Variants in GAB2 observed in about 807,000 individuals in gnomAD.
GAB2 encodes the protein GRB2 associated binding protein 2.
In GAB2, 26 loss-of-function variants were observed where a neutral mutation model predicts 65.5. That is an observed-to-expected ratio of 0.40 (90% CI 0.29 to 0.55). The LOEUF is 0.55. GAB2 is among the 20% of genes least tolerant of loss of function. GAB2 has a pLI of 0.53. For missense variants in GAB2, 884 were observed against 875.8 expected (o/e 1.01, Z -0.12); for synonymous variants, 321 against 329.6 (o/e 0.97, Z 0.28).
intron 8 of GAB2, among the ~76,000 whole-genome samples, chr11:78,220,774 C>A (rs547393760): frequency 6.6e-6 from 1 of 152,236 alleles, no homozygotes; most frequent in African/African-American, 2.4e-5. Context: ...CTGTACCACA[C>A]TGCCTCCTTT....
chr11:78,334,491 A>G (rs1355087935), intron 1 of GAB2, among the ~76,000 whole-genome samples: 3 of 152,224 alleles, frequency 2.0e-5, no homozygotes. Context: ...TCCCACAAAT[A>G]AGTGAGAACA....
intron 1 of GAB2, among the ~76,000 whole-genome samples, chr11:78,391,535 A>G (rs772242827): frequency 3.9e-5 from 6 of 152,196 alleles, no homozygotes; most frequent in Non-Finnish European, 2.9e-5. Flanking sequence ...CTTAAGCACC[A>G]TGTAAGCAGT....
intron 2 of GAB2, among the ~76,000 whole-genome samples, chr11:78,276,554 C>T (rs915967846): frequency 6.6e-6 from 1 of 152,086 alleles, no homozygotes; most frequent in African/African-American, 2.4e-5. Flanking sequence ...GCATGCCTGT[C>T]CCCTCCTCTA....
intron 1 of GAB2, among the ~76,000 whole-genome samples, chr11:78,347,836 G>A (rs965003582): frequency 6.6e-6 from 1 of 152,124 alleles, no homozygotes; most frequent in South Asian, 2.1e-4. Flanking sequence ...CACAAACTGG[G>A]AGAACATACA....
intron 1 of GAB2, among the ~76,000 whole-genome samples, chr11:78,398,754 A>G (rs1480552477): frequency 6.6e-6 from 1 of 152,214 alleles, no homozygotes; most frequent in Admixed American, 6.5e-5. Context: ...TTGGCATACC[A>G]CTTTTACTAG....
chr11:78,296,227 T>C (rs1387475297), intron 1 of GAB2, among the ~76,000 whole-genome samples: 1 of 152,192 alleles, frequency 6.6e-6, no homozygotes, highest in Non-Finnish European at 1.5e-5. Flanking sequence ...GCCAGACTGG[T>C]AAGGGTCCTC....
chr11:78,414,035 C>T (rs1351720610), intron 1 of GAB2, among the ~76,000 whole-genome samples: 1 of 150,534 alleles, frequency 6.6e-6, no homozygotes. Flanking sequence ...TTGCAGTGAG[C>T]CCAGATCGTG....
At chr11:78,308,115 C>T (rs1855410655) in intron 1 of GAB2, among the ~76,000 whole-genome samples, 1 of 152,064 alleles carries the variant, frequency 6.6e-6, no homozygotes, top group Non-Finnish European at 1.5e-5. Context: ...ATGCTTGGGC[C>T]TATAACACTT....
intron 2 of GAB2, among the ~76,000 whole-genome samples, chr11:78,261,775 G>GAAAGAAC (rs1397710343): frequency 6.6e-6 from 1 of 152,186 alleles, no homozygotes; most frequent in Non-Finnish European, 1.5e-5. Flanking sequence ...CATGCAGTCA[G>GAAAGAAC]AAAGAACAAA....
chr11:78,415,002 G>C (rs942083562), intron 1 of GAB2, among the ~76,000 whole-genome samples: 2 of 152,124 alleles, frequency 1.3e-5, no homozygotes, highest in African/African-American at 4.8e-5. Flanking sequence ...CTCCTGAGTA[G>C]CTGGGACTAC....
intron 1 of GAB2, among the ~76,000 whole-genome samples, chr11:78,354,161 TAATAA>T (rs1389788824): frequency 9.9e-5 from 15 of 152,184 alleles, no homozygotes; most frequent in Non-Finnish European, 4.4e-5. Flanking sequence ...GGCTACCCTC[TAATAA>T]AGGAACACTT....
chr11:78,304,023 T>A (rs1464659186), intron 1 of GAB2, among the ~76,000 whole-genome samples: 1 of 152,008 alleles, frequency 6.6e-6, no homozygotes, highest in East Asian at 1.9e-4. Flanking sequence ...GCCCATGAAT[T>A]ATATTTAAAT....
chr11:78,267,857 CAAAAAAAAAAA>C (rs751533828), intron 2 of GAB2, among the ~76,000 whole-genome samples: 1 of 32,804 alleles, frequency 3.0e-5, no homozygotes, highest in Non-Finnish European at 6.5e-5. Context: ...GACTCCGTCT[CAAAAAAAAAAA>C]AAAAAAAAAA....
chr11:78,388,091 G>A (rs910199455), intron 1 of GAB2: 2 of 151,026 alleles, frequency 1.3e-5, no homozygotes, highest in Non-Finnish European at 2.9e-5. Context: ...TGCATGGCAC[G>A]ATCTTGGCCC....
At chr11:78,404,583 A>G (rs1354811685) in intron 1 of GAB2, among the ~76,000 whole-genome samples, 1 of 152,260 alleles carries the variant, frequency 6.6e-6, no homozygotes, top group Non-Finnish European at 1.5e-5. Flanking sequence ...GGCCATACAA[A>G]TAATGAAATC....
At chr11:78,271,893 G>A (rs991830104) in intron 2 of GAB2, among the ~76,000 whole-genome samples, 18 of 152,268 alleles carry the variant, frequency 1.2e-4, no homozygotes, top group Admixed American at 1.0e-3. Context: ...ATTGAATCAT[G>A]GAGGCAGGTC....
intron 1 of GAB2, among the ~76,000 whole-genome samples, chr11:78,333,247 A>C (rs114444717): frequency 6.6e-6 from 1 of 152,184 alleles, no homozygotes; most frequent in Non-Finnish European, 1.5e-5. Context: ...TTTGAGTCCA[A>C]AGATCTTTTG....
chr11:78,398,231 A>T (rs1479564318), intron 1 of GAB2, among the ~76,000 whole-genome samples: 1 of 152,218 alleles, frequency 6.6e-6, no homozygotes, highest in Non-Finnish European at 1.5e-5. Flanking sequence ...ACCCGAGAAA[A>T]TCTTCGCAGT....
chr11:78,410,294 AG>A (rs1857110179), intron 1 of GAB2, among the ~76,000 whole-genome samples: 1 of 152,356 alleles, frequency 6.6e-6, no homozygotes, highest in East Asian at 1.9e-4. Context: ...ACTTAAGGTC[AG>A]GAGTTTGAGA....
Sources: gnomAD v4.1 joint callset for allele counts (sites outside exome capture counted in the v4.1 genomes callset) on GRCh38, gnomAD v4.1.1 for gene constraint, MANE v1.5 for transcripts, NCBI Gene and HGNC (gene_info 2026-07-23, HGNC 2026-07-21) for gene names.